Variants in HPGDS observed in about 807,000 individuals in gnomAD.
HPGDS encodes GST class-sigma.
A neutral mutation model predicts 23.1 loss-of-function variants in HPGDS; 26 were observed. That is an observed-to-expected ratio of 1.13 (90% CI 0.83 to 1.56). The LOEUF is 1.56. HPGDS is among the 40% of genes most tolerant of loss of function. HPGDS has a pLI of 0.00. For missense variants in HPGDS, 268 were observed against 236.4 expected (o/e 1.13, Z -0.88); for synonymous variants, 95 against 77.9 (o/e 1.22, Z -1.16).
intron 4 of HPGDS, among the ~76,000 whole-genome samples, chr4:94,307,338 A>C (rs2126035960): frequency 6.6e-6 from 1 of 152,208 alleles, no homozygotes; most frequent in Non-Finnish European, 1.5e-5. Context: ...GGGTAATAAT[A>C]AAGATCTCAG....
At position 94,308,571 on chromosome 4, in the gene HPGDS, C is replaced by A. The variant is rs191340892; in HGVS notation, c.336+63G>T. ...GATATTAAGGAACTTTCTAAGGCAC[C>A]TAACACAATGTCTGGCAGGTGGTAT... On this transcript the variant is annotated intron_variant, in intron 4 of 5. Coordinates refer to ENST00000295256, the MANE Select transcript of HPGDS (RefSeq NM_014485.3). The A allele has an allele frequency of 1.4e-5, 11 of 805,366 alleles. No homozygotes were observed. In the African/African-American group the frequency reaches 1.9e-4, roughly 14 times the overall value. 49.9% of individuals were successfully genotyped at this position (805,366 alleles called of 1,614,324 possible). A position where few individuals can be genotyped will look rare whatever the true frequency, so the allele number is the denominator to read the frequency against.
intron 2 of HPGDS, among the ~76,000 whole-genome samples, chr4:94,326,032 T>C (rs1756625500): frequency 6.6e-6 from 1 of 151,970 alleles, no homozygotes. Flanking sequence ...TCCTGGCCTC[T>C]AAAATTTCTG....
intron 4 of HPGDS, among the ~76,000 whole-genome samples, chr4:94,305,806 G>A (rs991385947): frequency 1.3e-5 from 2 of 152,066 alleles, no homozygotes; most frequent in Non-Finnish European, 2.9e-5. Flanking sequence ...TCATTCTAAA[G>A]GAATGCTTAA....
chr4:94,306,276 C>G (rs1756137007), intron 4 of HPGDS, among the ~76,000 whole-genome samples: 1 of 152,026 alleles, frequency 6.6e-6, no homozygotes, highest in Non-Finnish European at 1.5e-5. Flanking sequence ...TAAAGGAAAC[C>G]ACTAGAAGCT....
chr4:94,324,516 A>C (rs1040277983), intron 2 of HPGDS, among the ~76,000 whole-genome samples: 1 of 151,996 alleles, frequency 6.6e-6, no homozygotes, highest in Non-Finnish European at 1.5e-5. Flanking sequence ...TTTGATCTTC[A>C]ATCACTGATA....
chr4:94,308,788 T>G (rs750672139), intron 3 of HPGDS, 45 bp from the exon 4 acceptor site: 1 of 1,070,090 alleles, frequency 9.3e-7, no homozygotes, highest in African/African-American at 1.6e-5. Context: ...ATTTACTATA[T>G]TAAAAAGTTT....
chr4:94,323,819 A>G (rs773418164), intron 2 of HPGDS, among the ~76,000 whole-genome samples: 27 of 152,188 alleles, frequency 1.8e-4, no homozygotes, highest in Non-Finnish European at 2.9e-4. Context: ...TTAGCTGGTT[A>G]TTTTGCCCAT....
Position 94,308,683 on chromosome 4 carries a change from T to A in HPGDS, c.287A>T (p.Asp96Val). 6.2e-7 allele frequency: 1 copy of A among 1,610,316 alleles called. No individual in the cohort carries two copies. The highest frequency in any genetic ancestry group is 1.1e-5 in the South Asian group (1 of 90,662). ...CHVDAIVDTL[D>V]DFMSCFPWAE... ...CCAAGGAAAACATGACATGAAATCA[T>A]CCAGAGTGTCCACAATAGCATCAAC... The change falls in exon 4 of 6, where the codon GAT becomes GTT. Residue 96 changes from aspartate to valine, a missense_variant. Transcript: ENST00000295256.
At chr4:94,335,085 G>C (rs551103105) in intron 1 of HPGDS, among the ~76,000 whole-genome samples, 11 of 152,196 alleles carry the variant, frequency 7.2e-5, no homozygotes, top group Non-Finnish European at 1.3e-4. Context: ...ACAGCCAAGG[G>C]CTGGGCACAT....
At chr4:94,340,292 T>G (rs1721114844) in intron 1 of HPGDS, among the ~76,000 whole-genome samples, 1 of 71,144 alleles carries the variant, frequency 1.4e-5, no homozygotes, top group African/African-American at 5.2e-5. Context: ...TTTCTTTCTT[T>G]CTTTCTTTCT....
At chr4:94,327,188 T>A (rs1405787156) in intron 2 of HPGDS, among the ~76,000 whole-genome samples, 1 of 151,998 alleles carries the variant, frequency 6.6e-6, no homozygotes, top group Non-Finnish European at 1.5e-5. Flanking sequence ...CCCCAGACAA[T>A]GCTTGTGAGT....
rs545496494 is a variant in HPGDS, at chr4:94,316,057, C to T, written c.226+1816G>A. Among the ~76,000 whole-genome samples, 11 of 152,200 alleles carry T rather than the reference C, an allele frequency of 7.2e-5. No individual in the cohort carries two copies. The East Asian group carries it at 1.5e-3, about 21-fold the overall frequency. ...CCTTTTTTTACCCAACAAATAATTA[C>T]GGGCCTCAACTGTGACTCAGCCCCA... is the stretch of plus-strand genomic sequence containing the variant. On this transcript the variant is annotated intron_variant, in intron 3 of 5. Transcript: ENST00000295256.
At chr4:94,339,253 C>G (rs956408023) in intron 1 of HPGDS, among the ~76,000 whole-genome samples, 9 of 152,164 alleles carry the variant, frequency 5.9e-5, no homozygotes, top group African/African-American at 9.7e-5. Flanking sequence ...ATTTCTGAAC[C>G]CTTCCACTGT....
Position 94,342,139 on chromosome 4 carries a change from A to ATT in HPGDS, c.-10+654_-10+655dup, listed in dbSNP as rs535659161. Among the ~76,000 whole-genome samples the ATT allele has an allele frequency of 4.7e-3, 686 of 144,918 alleles. 3 individuals are homozygous for ATT. Among genetic ancestry groups the ATT allele is most frequent in the African/African-American group, 0.016 (639 of 40,290 alleles). Reference sequence around the variant, plus strand: ...TTTGAATTAGCAAGCTGAAAGCTCTATTTTTTTTTTTTTTATCAAATATCA... The same window carrying ATT: ...TTTGAATTAGCAAGCTGAAAGCTCTATTTTTTTTTTTTTTTTATCAAATATCA... On this transcript the variant is annotated intron_variant, in intron 1 of 5. Coordinates refer to ENST00000295256, the MANE Select transcript of HPGDS (RefSeq NM_014485.3).
intron 1 of HPGDS, among the ~76,000 whole-genome samples, chr4:94,341,376 A>G (rs1721170656): frequency 6.6e-6 from 1 of 152,236 alleles, no homozygotes; most frequent in South Asian, 2.1e-4. Flanking sequence ...TCTGTGCCAG[A>G]AAGATGACAA....
At chr4:94,312,072 A>G (rs1756286076) in intron 3 of HPGDS, among the ~76,000 whole-genome samples, 2 of 151,980 alleles carry the variant, frequency 1.3e-5, no homozygotes, top group Non-Finnish European at 2.9e-5. Flanking sequence ...AATTTTGTTG[A>G]TCTTTTCAAA....
chr4:94,336,862 G>A (rs562597871), intron 1 of HPGDS, among the ~76,000 whole-genome samples: 5 of 152,178 alleles, frequency 3.3e-5, no homozygotes, highest in Admixed American at 6.5e-5. Context: ...ATTCCTGGAC[G>A]TATTTGTTTT....
In HPGDS at chr4:94,315,506, T is replaced by C. The variant is rs145037232; in HGVS notation, c.226+2367A>G. Among the ~76,000 whole-genome samples, 842 of 152,322 alleles carry C rather than the reference T, an allele frequency of 5.5e-3. 4 individuals are homozygous for C. The highest frequency in any genetic ancestry group is 0.019 in the African/African-American group (786 of 41,574). ...GAGGGTTTTTTTTCTTTTGTCTCAT[T>C]TGTTAATCATTATTTTTGGTAATAA... On this transcript the variant is annotated intron_variant, in intron 3 of 5. Transcript: ENST00000295256.
At chr4:94,334,687 C>A in intron 1 of HPGDS, 49 bp from the exon 2 acceptor site, 1 of 1,504,304 alleles carries the variant, frequency 6.6e-7, no homozygotes, top group South Asian at 1.4e-5. Context: ...TCTAGAGATG[C>A]CTCAATATTT....
Sources: allele counts gnomAD v4.1 joint callset (sites outside exome capture counted in the v4.1 genomes callset), GRCh38; gene constraint gnomAD v4.1.1; transcripts MANE v1.5; gene names NCBI Gene and HGNC (gene_info 2026-07-23, HGNC 2026-07-21).